RPL7A: variants seen among roughly 807,000 people sequenced by gnomAD.
The protein encoded by RPL7A is ribosomal protein L7a, also known as large ribosomal subunit protein eL8.
For missense variants in RPL7A, 291 were observed against 338.2 expected (o/e 0.86, Z 1.09); for synonymous variants, 158 against 128.2 (o/e 1.23, Z -1.57).
Position 133,349,627 on chromosome 9 carries a change from A to C in RPL7A, c.201A>C (p.Arg67Ser). Residue 67 changes from arginine (R) to serine (S), a missense_variant, in exon 3 of 8, where the codon AGA becomes AGC. Arg to Ser is a moderately radical substitution (Grantham distance 110). Coordinates refer to ENST00000323345, the MANE Select transcript of RPL7A (RefSeq NM_000972.3). ...GCTATATCAGGTTGCAGCGGCAGAG[A>C]GCCATCCTCTATAAGCGGCTGAAAG... ...WPRYIRLQRQ[R>S]AILYKRLKVP... is the part of the protein sequence containing the mutation. 1 of 1,614,054 alleles carries C rather than the reference A, an allele frequency of 6.2e-7. No homozygotes were observed. The highest frequency in any genetic ancestry group is 8.5e-7 in the Non-Finnish European group (1 of 1,180,012).
chr9:133,349,940 G>C lies in RPL7A; in HGVS notation c.303G>C (p.Lys101Asn). Residue 101 changes from lysine to asparagine, a missense_variant, in exon 4 of 8, where the codon AAG becomes AAC. Transcript: ENST00000323345. ...CTCAGCTGCTTAAGCTGGCCCACAA[G>C]TACAGACCAGAGACAAAGCAAGAGA... ...TATQLLKLAH[K>N]YRPETKQEKK... The C allele has an allele frequency of 6.2e-7, 1 of 1,611,776 alleles. No individual in the cohort carries two copies. Among genetic ancestry groups the C allele is most frequent in the Non-Finnish European group, 8.5e-7 (1 of 1,180,004 alleles).
At position 133,350,986 on chromosome 9, in the gene RPL7A, C is replaced by T. The variant is rs2129997469; in HGVS notation, c.627-16C>T. On this transcript the variant is annotated splice_polypyrimidine_tract_variant and intron_variant, in intron 6 of 7. Coordinates refer to ENST00000323345, the MANE Select transcript of RPL7A (RefSeq NM_000972.3). Reference sequence around the variant, plus strand: ...AAGGCAAAAAACCCACTTTTGTTTCCCCTCCTGCCTTTTAGGGAAGACAAA... The same window carrying T: ...AAGGCAAAAAACCCACTTTTGTTTCTCCTCCTGCCTTTTAGGGAAGACAAA... 5 of 1,613,614 alleles carry T rather than the reference C, an allele frequency of 3.1e-6. No individual in the cohort carries two copies. The highest frequency in any genetic ancestry group is 1.7e-5 in the Admixed American group (1 of 59,964).
At chr9:133,348,838 T>G in intron 1 of RPL7A, 84 bp from the exon 2 acceptor site, 1 of 1,608,240 alleles carries the variant, frequency 6.2e-7, no homozygotes, top group Non-Finnish European at 8.5e-7. Flanking sequence ...TCAGCGTCCC[T>G]TGTTTTGGAG....
chr9:133,349,000 G>T lies in RPL7A; in HGVS notation c.82G>T (p.Val28Leu). 6.2e-7 allele frequency: 1 copy of T among 1,614,060 alleles called. No homozygotes were observed. Among genetic ancestry groups the T allele is most frequent in the Non-Finnish European group, 8.5e-7 (1 of 1,180,012 alleles). ...GAAGAAGCAGGAGGCTAAGAAAGTG[G>T]TGAATCCCCTGTTTGAGAAAAGGCC... ...VVKKQEAKKV[V>L]NPLFEKRPKN... The change falls in exon 2 of 8, where the codon GTG becomes TTG. Residue 28 changes from valine to leucine, a missense_variant. By Grantham distance (32) the Val-to-Leu change is conservative. Coordinates refer to ENST00000323345, the MANE Select transcript of RPL7A (RefSeq NM_000972.3).
intron 1 of RPL7A, 46 bp downstream of exon 1, chr9:133,348,292 T>TA (rs2129977832): frequency 6.2e-7 from 1 of 1,613,956 alleles, no homozygotes; most frequent in South Asian, 1.1e-5. Context: ...GTTCCGGCTG[T>TA]ATCCGCTGCC....
intron 6 of RPL7A, 133 bp downstream of exon 6, chr9:133,350,860 T>G: frequency 6.6e-7 from 1 of 1,507,990 alleles, no homozygotes; most frequent in Non-Finnish European, 9.2e-7. Context: ...CAATGATGGT[T>G]AAGAATTTCT....
chr9:133,350,160 TG>T, intron 4 of RPL7A, 79 bp from the exon 5 acceptor site: 1 of 1,611,514 alleles, frequency 6.2e-7, no homozygotes, highest in South Asian at 1.1e-5. Flanking sequence ...TTTTTAACAC[TG>T]AGTCAGCAGC....
Position 133,351,194 on chromosome 9 carries a change from G to A in RPL7A, c.697-68G>A, listed in dbSNP as rs1326613188. On this transcript the variant is annotated intron_variant, in intron 7 of 7. Coordinates refer to ENST00000323345, the MANE Select transcript of RPL7A (RefSeq NM_000972.3). ...CTTGGAACAGCCAAACAGAATTAACGCAACTAATAACCTTGAAAATCTCAG... is the reference window on the plus strand; with the variant it reads ...CTTGGAACAGCCAAACAGAATTAACACAACTAATAACCTTGAAAATCTCAG... 30 of 1,553,784 alleles carry A rather than the reference G, an allele frequency of 1.9e-5. 1 individual carries two copies. The highest frequency in any genetic ancestry group is 1.6e-4 in the South Asian group (14 of 89,124).
rs149274136 is a variant in RPL7A at position 133,349,225 on chromosome 9, C to T, written c.124+183C>T. ...CTTTCATTGGGAGTTGCTGAGCGAG[C>T]ATTCAGCTCAATATGGTAGTGGCCT... is the stretch of plus-strand genomic sequence containing the variant. On this transcript the variant is annotated intron_variant, in intron 2 of 7. Transcript: ENST00000323345. 1.9e-3 allele frequency among the ~76,000 whole-genome samples: 296 copies of T among 152,294 alleles called. 1 individual carries two copies. Among genetic ancestry groups the T allele is most frequent in the African/African-American group, 6.8e-3 (283 of 41,554 alleles).
In RPL7A at chr9:133,348,237, G is replaced by C. The variant is rs2129977093; in HGVS notation, c.-7G>C. The C allele has an allele frequency of 1.9e-6, 3 of 1,613,962 alleles. No individual in the cohort carries two copies. The highest frequency in any genetic ancestry group is 2.2e-5 in the East Asian group (1 of 44,852). The stretch of plus-strand genomic sequence containing the variant: ...CCTTTCCTTTCTCTCTCCTCCCGCC[G>C]CCCAAGATGGTGAGTGAGCTGTAGT... On this transcript the variant is annotated 5_prime_UTR_variant, in exon 1 of 8. Transcript: ENST00000323345.
At chr9:133,351,116 T>C in intron 7 of RPL7A, 45 bp downstream of exon 7, 1 of 1,595,706 alleles carries the variant, frequency 6.3e-7, no homozygotes. Context: ...CACAAATCTT[T>C]CTCCCAAATA....
chr9:133,350,618 C>G lies in RPL7A; in HGVS notation c.517C>G (p.Leu173Val). The G allele has an allele frequency of 6.2e-7, 1 of 1,614,086 alleles. No individual in the cohort carries two copies. The highest frequency in any genetic ancestry group is 8.5e-7 in the Non-Finnish European group (1 of 1,179,970). Residue 173 changes from leucine (L) to valine (V), a missense_variant, in exon 6 of 8, where the codon CTG (leucine) becomes GTG (valine). Transcript: ENST00000323345. ...CCAGCTGGTTGTCTTCTTGCCTGCC[C>G]TGTGTCGTAAAATGGGGGTCCCTTA... is the stretch of plus-strand genomic sequence containing the variant. ...PIELVVFLPA[L>V]CRKMGVPYCI...
At chr9:133,348,839 T>C (rs1836293540) in intron 1 of RPL7A, 83 bp from the exon 2 acceptor site, 2 of 1,605,658 alleles carry the variant, frequency 1.2e-6, no homozygotes, top group African/African-American at 2.7e-5. Context: ...CAGCGTCCCT[T>C]GTTTTGGAGG....
Position 133,348,260 on chromosome 9 carries a change from A to T in RPL7A, c.3+14A>T, listed in dbSNP as rs2129977392. 2.5e-6 allele frequency: 4 copies of T among 1,614,026 alleles called. No homozygotes were observed. Among genetic ancestry groups the T allele is most frequent in the Non-Finnish European group, 2.5e-6 (3 of 1,179,970 alleles). ...CCGCCCAAGATGGTGAGTGAGCTGT[A>T]GTTCCGTGGCACTATAGCCAGGTTC... On this transcript the variant is annotated intron_variant, in intron 1 of 7. Coordinates refer to ENST00000323345, the MANE Select transcript of RPL7A (RefSeq NM_000972.3).
chr9:133,348,415 C>A, intron 1 of RPL7A, 169 bp downstream of exon 1: 1 of 957,148 alleles, frequency 1.0e-6, no homozygotes, highest in Non-Finnish European at 1.6e-6. Context: ...CTTGGTGTGG[C>A]ACGGAGACAT....
intron 4 of RPL7A, 37 bp from the exon 5 acceptor site, chr9:133,350,203 G>A: frequency 6.2e-7 from 1 of 1,611,026 alleles, no homozygotes; most frequent in Non-Finnish European, 8.5e-7. Context: ...ACTAGAGCAG[G>A]CCCTGTGAGT....
rs2129976951 is a variant in RPL7A, at chr9:133,348,228, C to G, written c.-16C>G. ...CCACAATTCCCTTTCCTTTCTCTCT[C>G]CTCCCGCCGCCCAAGATGGTGAGTG... is the stretch of plus-strand genomic sequence containing the variant. On this transcript the variant is annotated 5_prime_UTR_variant, in exon 1 of 8. Coordinates refer to ENST00000323345, the MANE Select transcript of RPL7A (RefSeq NM_000972.3). 11 of 1,614,128 alleles carry G rather than the reference C, an allele frequency of 6.8e-6. No individual in the cohort carries two copies. In the East Asian group the frequency reaches 2.0e-4, roughly 29 times the overall value.
intron 1 of RPL7A, 114 bp from the exon 2 acceptor site, chr9:133,348,808 C>CG (rs1427005456): frequency 1.3e-6 from 2 of 1,539,508 alleles, no homozygotes; most frequent in African/African-American, 2.7e-5. Flanking sequence ...TGCTCGCCAG[C>CG]TTAGTTCAGG....
Position 133,350,048 on chromosome 9 carries a change from A to G in RPL7A, c.411A>G (p.Arg137=), listed in dbSNP as rs1330108380. 9 of 1,613,724 alleles carry G rather than the reference A, an allele frequency of 5.6e-6. No individual in the cohort carries two copies. The highest frequency in any genetic ancestry group is 2.7e-5 in the African/African-American group (2 of 74,896). Residue 137 remains arginine, a synonymous_variant, in exon 4 of 8, where the codon CGA becomes CGG. Transcript: ENST00000323345. ...CAACGAAGAGACCACCTGTCCTTCGAGCAGGTGAGTAGGCCCCACCTTAGG... is the reference window on the plus strand; with the variant it reads ...CAACGAAGAGACCACCTGTCCTTCGGGCAGGTGAGTAGGCCCCACCTTAGG... ...DVPTKRPPVL[R]AGVNTVTTLV...
Sources: allele counts gnomAD v4.1 joint callset (sites outside exome capture counted in the v4.1 genomes callset), GRCh38; gene constraint gnomAD v4.1.1; transcripts MANE v1.5; gene names NCBI Gene and HGNC (gene_info 2026-07-23, HGNC 2026-07-21).